KCNIP4: variants seen among roughly 807,000 people sequenced by gnomAD.
KCNIP4 encodes Kv channel-interacting protein 4.
KCNIP4 carries 12 observed loss-of-function variants against 34.0 expected under a neutral mutation model. The ratio of observed to expected loss-of-function variants is 0.35; its 90% confidence interval spans 0.23 to 0.57. The LOEUF is 0.57. Ranked by LOEUF, KCNIP4 falls within the 20% of genes least tolerant of loss-of-function variation. The pLI, the probability that KCNIP4 is intolerant of heterozygous loss-of-function variation, is 0.83. For missense variants in KCNIP4, 238 were observed against 311.7 expected, an observed-to-expected ratio of 0.76 and a Z score of 1.78; for synonymous variants, 124 against 102.2, an observed-to-expected ratio of 1.21 and a Z score of -1.29.
intron 1 of KCNIP4, among the ~76,000 whole-genome samples, chr4:21,883,159 G>GTTT (rs71193418): frequency 1.2e-4 from 17 of 138,088 alleles, no homozygotes; most frequent in Non-Finnish European, 1.4e-4. Flanking sequence ...CTGAGTTGTT[G>GTTT]TTTTTTTTTT....
Position 21,916,088 on chromosome 4 carries a change from A to G in KCNIP4, c.61+32483T>C, listed in dbSNP as rs551186540. Among the ~76,000 whole-genome samples the G allele has an allele frequency of 3.3e-5, 5 of 152,330 alleles. No individual in the cohort carries two copies. The East Asian group carries it at 9.6e-4, about 29-fold the overall frequency. ...AGCCTGCATCCATATGTTTGGGTCA[A>G]AATACCTTCTCATCCTCACTGGACC... On this transcript the variant is annotated intron_variant, in intron 1 of 8. Transcript: ENST00000382152.
Position 21,556,920 on chromosome 4 carries a change from C to CAAAAAAAAAAAAAAAA in KCNIP4, c.61+391650_61+391651insTTTTTTTTTTTTTTTT, listed in dbSNP as rs1281543089. Among the ~76,000 whole-genome samples, 23 of 35,646 alleles carry CAAAAAAAAAAAAAAAA rather than the reference C, an allele frequency of 6.5e-4. 1 individual carries two copies. Among genetic ancestry groups the CAAAAAAAAAAAAAAAA allele is most frequent in the South Asian group, 5.4e-3 (5 of 930 alleles). The allele number at this position is 35,646 out of a possible 152,430, so 23.4% of individuals were successfully genotyped here. A position where few individuals can be genotyped will look rare whatever the true frequency, so the allele number is the denominator to read the frequency against. On this transcript the variant is annotated intron_variant, in intron 1 of 8. Coordinates refer to ENST00000382152, the MANE Select transcript of KCNIP4 (RefSeq NM_025221.6). ...TGATCAACAAAGCAAGACTCCATCT[C>CAAAAAAAAAAAAAAAA]AGAAAAAAAAAAAAAAAAAAAAACC...
chr4:21,481,044 G>A (rs1731384775), intron 1 of KCNIP4, among the ~76,000 whole-genome samples: 2 of 152,166 alleles, frequency 1.3e-5, no homozygotes, highest in African/African-American at 4.8e-5. Flanking sequence ...ACTGATATAG[G>A]TGTAGATAAT....
chr4:20,789,706 A>G (rs1712477364), intron 3 of KCNIP4, among the ~76,000 whole-genome samples: 1 of 151,584 alleles, frequency 6.6e-6, no homozygotes, highest in African/African-American at 2.4e-5. Flanking sequence ...AGCACAGGTT[A>G]GTTTTCCTGG....
intron 1 of KCNIP4, among the ~76,000 whole-genome samples, chr4:21,036,222 A>T (rs755238163): frequency 3.3e-5 from 5 of 152,210 alleles, no homozygotes; most frequent in Non-Finnish European, 7.3e-5. Context: ...AATACTGTAT[A>T]TTTAATCTGC....
intron 1 of KCNIP4, among the ~76,000 whole-genome samples, chr4:20,937,102 T>A (rs889756769): frequency 1.3e-5 from 2 of 151,954 alleles, no homozygotes; most frequent in Non-Finnish European, 2.9e-5. Flanking sequence ...CTTTTGGTGC[T>A]GAAACACCTG....
intron 1 of KCNIP4, among the ~76,000 whole-genome samples, chr4:21,821,209 A>C (rs4289435): frequency 0.98 from 148,793 of 152,160 alleles, 72,840 homozygotes; most frequent in East Asian, 1. Flanking sequence ...CCTGACCTGC[A>C]GGCAATTGTC....
At chr4:21,304,813 T>A (rs1712256927) in intron 1 of KCNIP4, among the ~76,000 whole-genome samples, 1 of 152,150 alleles carries the variant, frequency 6.6e-6, no homozygotes, top group South Asian at 2.1e-4. Flanking sequence ...TAATAAGTAT[T>A]CATCATATTT....
chr4:20,955,205 T>C (rs1052893234), intron 1 of KCNIP4, among the ~76,000 whole-genome samples: 1 of 152,144 alleles, frequency 6.6e-6, no homozygotes. Flanking sequence ...CTGACTAGCT[T>C]CTATGCCACT....
At chr4:20,793,163 G>A (rs1006421240) in intron 3 of KCNIP4, among the ~76,000 whole-genome samples, 5 of 152,022 alleles carry the variant, frequency 3.3e-5, no homozygotes, top group African/African-American at 4.8e-5. Flanking sequence ...AACTAGAATC[G>A]TCCTAAATGT....
intron 1 of KCNIP4, among the ~76,000 whole-genome samples, chr4:21,528,675 C>CAAAGAAAGAAAGAAAGAAAG (rs1210670568): frequency 2.4e-5 from 2 of 84,182 alleles, no homozygotes; most frequent in African/African-American, 5.0e-5. Flanking sequence ...TCATAAAAAA[C>CAAAGAAAGAAAGAAAGAAAG]AAAGAAAGAA....
intron 1 of KCNIP4, among the ~76,000 whole-genome samples, chr4:21,068,333 T>C (rs1434083704): frequency 6.6e-6 from 1 of 152,222 alleles, no homozygotes; most frequent in Non-Finnish European, 1.5e-5. Context: ...GCTAAAGGGC[T>C]CTTTTGAACT....
chr4:21,860,308 A>G (rs999005017), intron 1 of KCNIP4, among the ~76,000 whole-genome samples: 1 of 151,860 alleles, frequency 6.6e-6, no homozygotes, highest in Non-Finnish European at 1.5e-5. Context: ...TGATTTTTGT[A>G]TTTTTAGTAG....
chr4:21,534,070 G>A (rs1379664830), intron 1 of KCNIP4, among the ~76,000 whole-genome samples: 2 of 152,144 alleles, frequency 1.3e-5, no homozygotes, highest in East Asian at 3.9e-4. Context: ...TTATTGATAA[G>A]TTATTCACCA....
At chr4:21,510,471 A>C (rs778110543) in intron 1 of KCNIP4, among the ~76,000 whole-genome samples, 3 of 152,198 alleles carry the variant, frequency 2.0e-5, no homozygotes, top group Non-Finnish European at 4.4e-5. Context: ...GAACAAAAAA[A>C]ATCAGGCAGA....
intron 1 of KCNIP4, among the ~76,000 whole-genome samples, chr4:21,710,100 T>C (rs1713604666): frequency 6.6e-6 from 1 of 152,218 alleles, no homozygotes. Flanking sequence ...TATATTCTTG[T>C]TTTGACTTAC....
At chr4:21,072,527 T>C (rs565565625) in intron 1 of KCNIP4, among the ~76,000 whole-genome samples, 1 of 152,264 alleles carries the variant, frequency 6.6e-6, no homozygotes, top group South Asian at 2.1e-4. Context: ...TTAAGTTCTT[T>C]GTAGATTCTG....
chr4:21,886,053 A>G (rs1274038264), intron 1 of KCNIP4, among the ~76,000 whole-genome samples: 1 of 152,096 alleles, frequency 6.6e-6, no homozygotes, highest in East Asian at 1.9e-4. Context: ...CTATTATATA[A>G]TATGTCATAT....
Position 21,813,038 on chromosome 4 carries a change from C to T in KCNIP4, c.61+135533G>A, listed in dbSNP as rs570167999. Among the ~76,000 whole-genome samples the T allele has an allele frequency of 5.9e-5, 9 of 152,278 alleles. No homozygotes were observed. The South Asian group carries it at 1.0e-3, about 18-fold the overall frequency. On this transcript the variant is annotated intron_variant, in intron 1 of 8. Coordinates refer to ENST00000382152, the MANE Select transcript of KCNIP4 (RefSeq NM_025221.6). Reference sequence around the variant, plus strand: ...TTGCCTAGGTGCCCCCAAGAGGCTACATCTTCTAATGGCTTCTAACTTTTC... The same window carrying T: ...TTGCCTAGGTGCCCCCAAGAGGCTATATCTTCTAATGGCTTCTAACTTTTC...
Sources: gnomAD v4.1 joint callset for allele counts (sites outside exome capture counted in the v4.1 genomes callset) on GRCh38, gnomAD v4.1.1 for gene constraint, MANE v1.5 for transcripts, NCBI Gene and HGNC (gene_info 2026-07-23, HGNC 2026-07-21) for gene names.